The following MYL12B variants were observed in gnomAD, a reference collection of about 807,000 sequenced individuals.
MYL12B encodes myosin light chain 12B.
In MYL12B, 3 loss-of-function variants were observed where a neutral mutation model predicts 12.9. The observed-to-expected ratio is 0.23, with a 90% confidence interval of 0.11 to 0.60. The LOEUF (loss-of-function observed/expected upper bound fraction) is 0.60. MYL12B is among the 20% of genes least tolerant of loss of function. The pLI, the probability that MYL12B is intolerant of heterozygous loss-of-function variation, is 0.89. For synonymous variants in MYL12B, 57 were observed against 71.9 expected (o/e 0.79, Z 1.05); for missense variants, 120 against 215.4 (o/e 0.56, Z 2.77).
intron 2 of MYL12B, among the ~76,000 whole-genome samples, chr18:3,275,603 A>G (rs1287467699): frequency 1.3e-5 from 2 of 152,186 alleles, no homozygotes; most frequent in Non-Finnish European, 2.9e-5. Context: ...ACCCAAAGCA[A>G]TTTAAATAAA....
At chr18:3,263,817 G>C (rs1370710706) in intron 1 of MYL12B, among the ~76,000 whole-genome samples, 1 of 152,190 alleles carries the variant, frequency 6.6e-6, no homozygotes, top group Non-Finnish European at 1.5e-5. Flanking sequence ...AATTTCAGCT[G>C]CCTGTATGCA....
At chr18:3,265,735 A>G (rs1337384273) in intron 1 of MYL12B, among the ~76,000 whole-genome samples, 1 of 152,036 alleles carries the variant, frequency 6.6e-6, no homozygotes, top group Non-Finnish European at 1.5e-5. Context: ...GAGCTTTGAG[A>G]CTCCAATTAG....
At chr18:3,271,881 TA>T in intron 1 of MYL12B, among the ~76,000 whole-genome samples, 1 of 151,758 alleles carries the variant, frequency 6.6e-6, no homozygotes, top group East Asian at 1.9e-4. Flanking sequence ...ACCAAAGCCA[TA>T]TTACGGAGAA....
At chr18:3,269,149 G>A (rs1460969772) in intron 1 of MYL12B, among the ~76,000 whole-genome samples, 2 of 152,130 alleles carry the variant, frequency 1.3e-5, no homozygotes, top group Non-Finnish European at 2.9e-5. Context: ...TCTAGAGTAG[G>A]GAAAGGAAGA....
At chr18:3,266,333 C>T (rs1328525189) in intron 1 of MYL12B, among the ~76,000 whole-genome samples, 2 of 152,286 alleles carry the variant, frequency 1.3e-5, no homozygotes, top group Non-Finnish European at 1.5e-5. Flanking sequence ...ACCTGGCTCC[C>T]GCCGATTGAG....
chr18:3,264,303 T>C (rs1261488286), intron 1 of MYL12B, among the ~76,000 whole-genome samples: 1 of 152,230 alleles, frequency 6.6e-6, no homozygotes, highest in Non-Finnish European at 1.5e-5. Flanking sequence ...CATATATTTA[T>C]ACATATATAT....
At chr18:3,276,787 A>G (rs1598810764) in intron 2 of MYL12B, 1 of 452,440 alleles carries the variant, frequency 2.2e-6, no homozygotes, top group Non-Finnish European at 2.9e-6. Context: ...CTGCAATCCC[A>G]TCACTTTGGG....
intron 2 of MYL12B, 160 bp from the exon 3 acceptor site, chr18:3,277,093 T>G: frequency 2.2e-6 from 2 of 927,696 alleles, no homozygotes; most frequent in Non-Finnish European, 2.6e-6. Context: ...ATTTTTTAAG[T>G]TGTCAAAAAT....
At chr18:3,267,136 G>A (rs1376363077) in intron 1 of MYL12B, among the ~76,000 whole-genome samples, 1 of 152,102 alleles carries the variant, frequency 6.6e-6, no homozygotes, top group African/African-American at 2.4e-5. Flanking sequence ...AGATGCCTGG[G>A]CTCCACCCCC....
rs539556292 is a variant in MYL12B, at chr18:3,269,425, G to A, written c.-15-3459G>A. On this transcript the variant is annotated intron_variant, in intron 1 of 3. Coordinates refer to ENST00000237500, the MANE Select transcript of MYL12B (RefSeq NM_033546.4). The stretch of plus-strand genomic sequence containing the variant: ...GCAACTCTGAGAAATATTTCTCAGA[G>A]GCAGGGCTTGGTTCATCAGGGAGAG... Among the ~76,000 whole-genome samples, 131 of 152,290 alleles carry A rather than the reference G, an allele frequency of 8.6e-4. 3 individuals carry two copies. In the South Asian group the frequency reaches 0.027, roughly 31 times the overall value.
chr18:3,270,884 C>T (rs1306729475), intron 1 of MYL12B, among the ~76,000 whole-genome samples: 1 of 152,154 alleles, frequency 6.6e-6, no homozygotes, highest in Non-Finnish European at 1.5e-5. Flanking sequence ...GTTGCCCAGG[C>T]CTATCTCAAA....
chr18:3,275,117 C>T (rs1356434229), intron 2 of MYL12B, among the ~76,000 whole-genome samples: 1 of 152,166 alleles, frequency 6.6e-6, no homozygotes, highest in Non-Finnish European at 1.5e-5. Flanking sequence ...TACTTATGTA[C>T]AATGGAATAC....
At chr18:3,264,697 A>G (rs569853665) in intron 1 of MYL12B, among the ~76,000 whole-genome samples, 1 of 152,346 alleles carries the variant, frequency 6.6e-6, no homozygotes, top group East Asian at 1.9e-4. Flanking sequence ...GGTGAATTTC[A>G]AAAACATTGT....
chr18:3,270,202 G>C (rs1408605207), intron 1 of MYL12B, among the ~76,000 whole-genome samples: 1 of 152,198 alleles, frequency 6.6e-6, no homozygotes, highest in Non-Finnish European at 1.5e-5. Context: ...TTGGGGGCCA[G>C]AGTTCCCTTC....
Position 3,266,732 on chromosome 18 carries a change from G to GT in MYL12B, c.-16+4503dup, listed in dbSNP as rs528607269. 1.5e-3 allele frequency among the ~76,000 whole-genome samples: 234 copies of GT among 152,186 alleles called. 3 individuals are homozygous for GT. The South Asian group carries it at 0.032, about 21-fold the overall frequency. On this transcript the variant is annotated intron_variant, in intron 1 of 3. Coordinates refer to ENST00000237500, the MANE Select transcript of MYL12B (RefSeq NM_033546.4). Reference sequence around the variant, plus strand: ...AAATTTAGGTTATGTAAAATGTTCAGTTTTTTTTAAATGTTGGCAAACTAA... The same window carrying GT: ...AAATTTAGGTTATGTAAAATGTTCAGTTTTTTTTTAAATGTTGGCAAACTAA...
At chr18:3,264,517 A>G (rs2081621764) in intron 1 of MYL12B, among the ~76,000 whole-genome samples, 1 of 152,172 alleles carries the variant, frequency 6.6e-6, no homozygotes, top group Non-Finnish European at 1.5e-5. Context: ...CAACCTGGGC[A>G]ACATAGCGAG....
intron 1 of MYL12B, among the ~76,000 whole-genome samples, chr18:3,271,537 A>G (rs6506096): frequency 0.95 from 145,138 of 152,300 alleles, 69,234 homozygotes; most frequent in Non-Finnish European, 0.98. Flanking sequence ...TTCACATTGC[A>G]GGAAGTTACG....
intron 1 of MYL12B, among the ~76,000 whole-genome samples, chr18:3,270,806 G>A (rs929452423): frequency 6.6e-6 from 1 of 152,030 alleles, no homozygotes; most frequent in African/African-American, 2.4e-5. Context: ...TAGTAGCTGG[G>A]ACCACAGGCA....
At chr18:3,266,401 C>T (rs1293101612) in intron 1 of MYL12B, among the ~76,000 whole-genome samples, 1 of 152,232 alleles carries the variant, frequency 6.6e-6, no homozygotes, top group East Asian at 1.9e-4. Context: ...AGCCAAACAC[C>T]CTCATTTCAC....
Sources: gnomAD v4.1 joint callset for allele counts (sites outside exome capture counted in the v4.1 genomes callset) on GRCh38, gnomAD v4.1.1 for gene constraint, MANE v1.5 for transcripts, NCBI Gene and HGNC (gene_info 2026-07-23, HGNC 2026-07-21) for gene names.